GPC3: variants seen among roughly 807,000 people sequenced by gnomAD.
GPC3 encodes glypican-3.
GPC3 carries 3 observed loss-of-function variants against 34.4 expected under a neutral mutation model. The ratio of observed to expected loss-of-function variants is 0.09; its 90% CI spans 0.04 to 0.23. The LOEUF (loss-of-function observed/expected upper bound fraction) is 0.23. Among genes scored for constraint, GPC3 ranks in the 10% least tolerant of loss-of-function variants. The pLI, the probability that GPC3 is intolerant of heterozygous loss-of-function variation, is 1.00. For synonymous variants in GPC3, 177 were observed against 174.0 expected (o/e 1.02, Z -0.13); for missense variants, 351 against 445.6 (o/e 0.79, Z 1.91).
intron 3 of GPC3, among the ~76,000 whole-genome samples, chrX:133,735,581 A>G (rs777632089): frequency 8.9e-6 from 1 of 112,021 alleles, no homozygotes; most frequent in African/African-American, 3.2e-5. Context: ...ACATAAAGAA[A>G]TATATAAATT....
At chrX:133,541,428 A>G (rs2069342156) in intron 7 of GPC3, among the ~76,000 whole-genome samples, 1 of 111,876 alleles carries the variant, frequency 8.9e-6, no homozygotes. Context: ...TATTAGGTAC[A>G]TATTATAAAA....
chrX:133,926,812 C>CGGCAAATT (rs2076277021), intron 2 of GPC3, among the ~76,000 whole-genome samples: 2 of 94,262 alleles, frequency 2.1e-5, no homozygotes, highest in South Asian at 1.3e-3. Flanking sequence ...CCCGGCAAAT[C>CGGCAAATT]GGCAAATTCA....
At chrX:133,700,745 G>A (rs903454315) in intron 3 of GPC3, among the ~76,000 whole-genome samples, 3 of 110,595 alleles carry the variant, frequency 2.7e-5, no homozygotes, top group Non-Finnish European at 5.7e-5. Context: ...GCATGGTGGC[G>A]TACACCTGTA....
At chrX:133,591,032 A>C (rs956872080) in intron 7 of GPC3, among the ~76,000 whole-genome samples, 1 of 112,081 alleles carries the variant, frequency 8.9e-6, no homozygotes, top group Non-Finnish European at 1.9e-5. Context: ...CCAGGAACAG[A>C]ACCTGCGTGT....
chrX:133,685,853 G>C (rs1193884577), intron 5 of GPC3, among the ~76,000 whole-genome samples: 2 of 108,010 alleles, frequency 1.9e-5, no homozygotes, highest in East Asian at 5.8e-4. Context: ...TTAGCCTTCT[G>C]AGTAGCTGGG....
intron 7 of GPC3, among the ~76,000 whole-genome samples, chrX:133,557,989 C>G (rs7061117): frequency 0.062 from 6,942 of 111,310 alleles, 568 homozygotes; most frequent in African/African-American, 0.21. Flanking sequence ...CGATTGATTT[C>G]TCCCAAGTGG....
intron 7 of GPC3, among the ~76,000 whole-genome samples, chrX:133,556,827 C>T (rs1356640970): frequency 1.9e-5 from 2 of 102,953 alleles, no homozygotes; most frequent in Non-Finnish European, 3.9e-5. Context: ...ATGTAAATGA[C>T]GAGTTAATGG....
intron 6 of GPC3, among the ~76,000 whole-genome samples, chrX:133,655,470 ACACACC>A (rs1193787619): frequency 9.8e-6 from 1 of 101,855 alleles, no homozygotes; most frequent in African/African-American, 4.2e-5. Context: ...TCTGTCCTTC[ACACACC>A]CACACACACA....
At chrX:133,542,240 TTC>T (rs1056709068) in intron 7 of GPC3, among the ~76,000 whole-genome samples, 3 of 112,009 alleles carry the variant, frequency 2.7e-5, no homozygotes, top group African/African-American at 9.8e-5. Flanking sequence ...GCTGGATTGT[TTC>T]TGTTTTGCTT....
rs376523712 is a variant in GPC3 at position 133,796,187 on chromosome X, T to C, written c.338-42011A>G. 2.5e-3 allele frequency among the ~76,000 whole-genome samples: 277 copies of C among 111,326 alleles called. 1 individual carries two copies. The highest frequency in any genetic ancestry group is 5.5e-3 in the African/African-American group (170 of 30,656). ...GTCTCAATCTCCTCACCTCGTGATC[T>C]GCCCGCCTTGGCCTCCCAAAGTGCT... On this transcript the variant is annotated intron_variant, in intron 2 of 7. Coordinates refer to ENST00000370818, the MANE Select transcript of GPC3 (RefSeq NM_004484.4).
In GPC3 at chrX:133,838,526, T is replaced by C. The variant is rs190959024; in HGVS notation, c.338-84350A>G. The stretch of plus-strand genomic sequence containing the variant: ...ATCACATGTAAATTTCTTAAATATT[T>C]CTGACAGAAAAAAAGATCTGCAGGG... On this transcript the variant is annotated intron_variant, in intron 2 of 7. Transcript: ENST00000370818. 1.4e-4 allele frequency among the ~76,000 whole-genome samples: 16 copies of C among 112,716 alleles called. No homozygotes were observed. In the Admixed American group the frequency reaches 1.5e-3, roughly 11 times the overall value.
At chrX:133,811,059 G>C (rs2075662786) in intron 2 of GPC3, among the ~76,000 whole-genome samples, 1 of 111,164 alleles carries the variant, frequency 9.0e-6, no homozygotes, top group African/African-American at 3.3e-5. Context: ...CCTGCTACAG[G>C]CTTGGTTTAT....
chrX:133,959,037 C>T (rs184371803), intron 1 of GPC3, among the ~76,000 whole-genome samples: 4 of 111,953 alleles, frequency 3.6e-5, no homozygotes, highest in African/African-American at 1.3e-4. Flanking sequence ...GATATTTGAG[C>T]TATGGAAGCT....
chrX:133,891,623 A>C (rs2076087779), intron 2 of GPC3, among the ~76,000 whole-genome samples: 1 of 107,219 alleles, frequency 9.3e-6, no homozygotes, highest in Non-Finnish European at 1.9e-5. Flanking sequence ...AAAATAAATA[A>C]ATAAATAAAT....
intron 2 of GPC3, among the ~76,000 whole-genome samples, chrX:133,879,173 T>C (rs983816763): frequency 9.0e-5 from 10 of 110,947 alleles, no homozygotes; most frequent in Admixed American, 3.9e-4. Flanking sequence ...AACCAGGGTA[T>C]ACCAGTAAAT....
chrX:133,624,858 A>C (rs185338519), intron 6 of GPC3, among the ~76,000 whole-genome samples: 13 of 110,902 alleles, frequency 1.2e-4, no homozygotes, highest in Admixed American at 2.9e-4. Context: ...GACACAACAA[A>C]AAAAAAAAGA....
At chrX:133,643,491 A>G (rs1326222942) in intron 6 of GPC3, among the ~76,000 whole-genome samples, 2 of 112,361 alleles carry the variant, frequency 1.8e-5, no homozygotes, top group African/African-American at 6.5e-5. Flanking sequence ...TCTGATTTAA[A>G]AAAATAATTT....
intron 6 of GPC3, among the ~76,000 whole-genome samples, chrX:133,596,894 A>G (rs1219005838): frequency 9.0e-6 from 1 of 111,122 alleles, no homozygotes; most frequent in Non-Finnish European, 1.9e-5. Flanking sequence ...AGCTCCTGAA[A>G]GTCTCCATGA....
intron 2 of GPC3, among the ~76,000 whole-genome samples, chrX:133,885,112 G>C (rs2076056727): frequency 9.0e-6 from 1 of 111,468 alleles, no homozygotes; most frequent in Admixed American, 9.6e-5. Flanking sequence ...AATTTCAAAA[G>C]ATCCCCCTCT....
Sources: allele counts gnomAD v4.1 joint callset (sites outside exome capture counted in the v4.1 genomes callset), GRCh38; gene constraint gnomAD v4.1.1; transcripts MANE v1.5; gene names NCBI Gene and HGNC (gene_info 2026-07-23, HGNC 2026-07-21).